BNC2: variants seen among roughly 807,000 people sequenced by gnomAD.
BNC2 encodes zinc finger protein basonuclin-2.
In BNC2, 20 loss-of-function variants were observed where a neutral mutation model predicts 76.3. The ratio of observed to expected loss-of-function variants is 0.26; its 90% confidence interval spans 0.18 to 0.38. The LOEUF (loss-of-function observed/expected upper bound fraction) is 0.38. Ranked by LOEUF, BNC2 falls within the 10% of genes least tolerant of loss-of-function variation. The pLI is 1.00. For missense variants in BNC2, 1,382 were observed against 1,399.8 expected, an observed-to-expected ratio of 0.99 and a Z score of 0.20; for synonymous variants, 582 against 514.8, an observed-to-expected ratio of 1.13 and a Z score of -1.77.
chr9:16,631,819 G>C (rs1821170018), intron 3 of BNC2, among the ~76,000 whole-genome samples: 1 of 152,130 alleles, frequency 6.6e-6, no homozygotes, highest in Non-Finnish European at 1.5e-5. Flanking sequence ...CACCAACTCA[G>C]GTAGGGCTTT....
intron 5 of BNC2, among the ~76,000 whole-genome samples, chr9:16,459,797 G>GA (rs1460825589): frequency 4.6e-5 from 7 of 151,336 alleles, no homozygotes; most frequent in South Asian, 4.2e-4. Context: ...CAAATAAAAA[G>GA]AAAAAAAACC....
At chr9:16,643,888 A>C (rs1292968026) in intron 3 of BNC2, among the ~76,000 whole-genome samples, 1 of 152,190 alleles carries the variant, frequency 6.6e-6, no homozygotes, top group Non-Finnish European at 1.5e-5. Flanking sequence ...CTCAAGAACA[A>C]TAGGAACAAG....
chr9:16,769,543 G>C (rs1825780122), intron 1 of BNC2, among the ~76,000 whole-genome samples: 1 of 152,142 alleles, frequency 6.6e-6, no homozygotes, highest in African/African-American at 2.4e-5. Flanking sequence ...ACGGAAAGGA[G>C]AGCTCAGGGA....
chr9:16,438,716 C>T (rs1003103791), intron 5 of BNC2, among the ~76,000 whole-genome samples: 9 of 151,842 alleles, frequency 5.9e-5, no homozygotes, highest in African/African-American at 1.9e-4. Flanking sequence ...AACAAAATGA[C>T]AAGATACTTA....
intron 5 of BNC2, among the ~76,000 whole-genome samples, chr9:16,496,482 A>ATTACC (rs1179155241): frequency 6.6e-6 from 1 of 152,214 alleles, no homozygotes; most frequent in Non-Finnish European, 1.5e-5. Context: ...CTTAAGCACA[A>ATTACC]TTACCTTAAT....
chr9:16,753,816 T>C (rs918213461), intron 1 of BNC2, among the ~76,000 whole-genome samples: 1 of 152,198 alleles, frequency 6.6e-6, no homozygotes, highest in Non-Finnish European at 1.5e-5. Flanking sequence ...ACTTTAAAAA[T>C]ATCTATACAG....
At chr9:16,665,386 A>AG (rs369857371) in intron 3 of BNC2, among the ~76,000 whole-genome samples, 5,346 of 84,334 alleles carry the variant, frequency 0.063, 701 homozygotes, top group African/African-American at 0.14. Flanking sequence ...AAAAAAAAAA[A>AG]AGAGAGAGAG....
At chr9:16,627,603 C>T (rs1000172610) in intron 3 of BNC2, among the ~76,000 whole-genome samples, 1 of 152,150 alleles carries the variant, frequency 6.6e-6, no homozygotes, top group Non-Finnish European at 1.5e-5. Flanking sequence ...ATCCTCCAGC[C>T]ATACAATTTG....
chr9:16,797,654 C>G (rs1010729443), intron 1 of BNC2, among the ~76,000 whole-genome samples: 4 of 152,048 alleles, frequency 2.6e-5, no homozygotes, highest in Non-Finnish European at 5.9e-5. Flanking sequence ...AATTTGAACA[C>G]CAAGATGAGA....
intron 1 of BNC2, among the ~76,000 whole-genome samples, chr9:16,778,932 A>C (rs1449303657): frequency 6.6e-6 from 1 of 152,134 alleles, no homozygotes; most frequent in East Asian, 1.9e-4. Context: ...CGATATTTTT[A>C]GAAATGCTCC....
intron 1 of BNC2, among the ~76,000 whole-genome samples, chr9:16,762,831 T>C (rs1825589399): frequency 6.6e-6 from 1 of 152,182 alleles, no homozygotes; most frequent in African/African-American, 2.4e-5. Flanking sequence ...ATAACAGTAA[T>C]GATAACAACA....
chr9:16,576,383 A>G (rs1284732992), intron 4 of BNC2, among the ~76,000 whole-genome samples: 1 of 152,180 alleles, frequency 6.6e-6, no homozygotes, highest in African/African-American at 2.4e-5. Context: ...TGATAAAGGA[A>G]TTTCTATGCG....
chr9:16,568,041 T>G (rs1460318903), intron 4 of BNC2, among the ~76,000 whole-genome samples: 2 of 152,158 alleles, frequency 1.3e-5, no homozygotes, highest in Non-Finnish European at 2.9e-5. Context: ...GAAGGCTTAT[T>G]CTTTTATTTT....
At chr9:16,510,242 G>A (rs1371538871) in intron 5 of BNC2, among the ~76,000 whole-genome samples, 1 of 152,172 alleles carries the variant, frequency 6.6e-6, no homozygotes, top group African/African-American at 2.4e-5. Context: ...AAGAGAAAAT[G>A]TCCAACTTCC....
intron 4 of BNC2, among the ~76,000 whole-genome samples, chr9:16,574,999 T>A (rs1007649331): frequency 3.3e-5 from 5 of 152,198 alleles, no homozygotes; most frequent in African/African-American, 1.2e-4. Context: ...AGTGTTGAAG[T>A]CTTACTTTTA....
chr9:16,820,492 A>G (rs963378479), intron 1 of BNC2, among the ~76,000 whole-genome samples: 3 of 152,138 alleles, frequency 2.0e-5, no homozygotes, highest in African/African-American at 7.2e-5. Flanking sequence ...TATTGCTAGG[A>G]AGCAGAAGAA....
intron 3 of BNC2, among the ~76,000 whole-genome samples, chr9:16,645,577 G>A (rs894758550): frequency 6.6e-6 from 1 of 152,066 alleles, no homozygotes; most frequent in Non-Finnish European, 1.5e-5. Context: ...AATGTTGGTG[G>A]GACTGGATGT....
At chr9:16,766,535 C>T (rs552009700) in intron 1 of BNC2, among the ~76,000 whole-genome samples, 1 of 152,292 alleles carries the variant, frequency 6.6e-6, no homozygotes, top group South Asian at 2.1e-4. Flanking sequence ...AAAATCCCTC[C>T]AGCTGCAATC....
In BNC2 at chr9:16,685,543, A is replaced by G; in HGVS notation, c.330+42254T>C. 3.1e-6 allele frequency: 4 copies of G among 1,303,930 alleles called. No individual in the cohort carries two copies. In the South Asian group the frequency reaches 4.9e-5, roughly 16 times the overall value. 80.8% of individuals were successfully genotyped at this position (1,303,930 alleles called of 1,614,324 possible). Reference sequence around the variant, plus strand: ...AGCTGAGAAAACAGTTAAGACTCTAACCTGGACTTCCAGCCTGTGGTATGG... The same window carrying G: ...AGCTGAGAAAACAGTTAAGACTCTAGCCTGGACTTCCAGCCTGTGGTATGG... On this transcript the variant is annotated intron_variant, in intron 3 of 6. Transcript: ENST00000380672.
Sources: allele counts gnomAD v4.1 joint callset (sites outside exome capture counted in the v4.1 genomes callset), GRCh38; gene constraint gnomAD v4.1.1; transcripts MANE v1.5; gene names NCBI Gene and HGNC (gene_info 2026-07-23, HGNC 2026-07-21).